NRG1: variants seen among roughly 807,000 people sequenced by gnomAD.
NRG1 encodes pro-neuregulin-1, membrane-bound isoform.
In NRG1, 18 loss-of-function variants were observed where a neutral mutation model predicts 63.8. The ratio of observed to expected loss-of-function variants is 0.28; its 90% CI spans 0.19 to 0.42. The LOEUF is 0.42. NRG1 is among the 10% of genes least tolerant of loss of function. The pLI is 1.00. For synonymous variants in NRG1, 302 were observed against 301.3 expected (o/e 1.00, Z -0.02); for missense variants, 762 against 814.7 (o/e 0.94, Z 0.79).
intron 1 of NRG1, among the ~76,000 whole-genome samples, chr8:31,643,745 C>G (rs548085786): frequency 1.3e-5 from 2 of 152,084 alleles, no homozygotes; most frequent in African/African-American, 4.8e-5. Context: ...ATTTGCTGTC[C>G]GATTAAATCT....
intron 1 of NRG1, among the ~76,000 whole-genome samples, chr8:32,076,318 T>C (rs1280455190): frequency 6.6e-6 from 1 of 152,200 alleles, no homozygotes; most frequent in Non-Finnish European, 1.5e-5. Flanking sequence ...TTGGCTCTTA[T>C]CTCTGTGACT....
At chr8:32,628,764 G>C (rs560182321) in intron 5 of NRG1, among the ~76,000 whole-genome samples, 3 of 139,958 alleles carry the variant, frequency 2.1e-5, no homozygotes, top group Non-Finnish European at 3.0e-5. Context: ...ATGAAGTCTC[G>C]CTCTGTCACC....
intron 1 of NRG1, among the ~76,000 whole-genome samples, chr8:32,193,829 A>G (rs1842724135): frequency 1.3e-5 from 2 of 152,212 alleles, no homozygotes; most frequent in South Asian, 4.1e-4. Context: ...TGAGACAGAG[A>G]CATGCATACA....
chr8:32,403,834 T>A (rs952639428), intron 1 of NRG1, among the ~76,000 whole-genome samples: 2 of 152,180 alleles, frequency 1.3e-5, no homozygotes, highest in Non-Finnish European at 1.5e-5. Flanking sequence ...TGTCTTCCCA[T>A]GGTACAAAGT....
chr8:32,398,538 G>A lies in NRG1; in HGVS notation c.38-197290G>A, dbSNP rs1812743383. On this transcript the variant is annotated intron_variant, in intron 1 of 10. Transcript: ENST00000519301. Reference sequence around the variant, plus strand: ...CGATTTTCCTGCCTCAGCCTCCCGAGTAGCTGGGATTACAAGTGCCCGCCA... The same window carrying A: ...CGATTTTCCTGCCTCAGCCTCCCGAATAGCTGGGATTACAAGTGCCCGCCA... Among the ~76,000 whole-genome samples the A allele has an allele frequency of 2.0e-5, 3 of 151,930 alleles. No individual in the cohort carries two copies. In the South Asian group the frequency reaches 6.2e-4, roughly 32 times the overall value.
intron 1 of NRG1, among the ~76,000 whole-genome samples, chr8:32,074,704 C>A (rs906683963): frequency 1.3e-5 from 2 of 152,054 alleles, no homozygotes; most frequent in East Asian, 3.9e-4. Flanking sequence ...CATTTTCAGT[C>A]AGTGTCTGTT....
At chr8:32,426,021 A>C (rs773396704) in intron 1 of NRG1, among the ~76,000 whole-genome samples, 50 of 152,332 alleles carry the variant, frequency 3.3e-4, no homozygotes, top group Non-Finnish European at 7.3e-4. Flanking sequence ...ATGGCTATAA[A>C]GAAACATAAA....
chr8:32,275,568 C>A (rs757830950), intron 1 of NRG1, among the ~76,000 whole-genome samples: 3 of 152,080 alleles, frequency 2.0e-5, no homozygotes, highest in Non-Finnish European at 2.9e-5. Flanking sequence ...ATCCCTGGAA[C>A]TGGGACATGC....
intron 1 of NRG1, among the ~76,000 whole-genome samples, chr8:31,719,756 G>A (rs1286149798): frequency 2.6e-5 from 4 of 152,146 alleles, no homozygotes; most frequent in Admixed American, 1.3e-4. Context: ...AGTCATGCAT[G>A]ACATGTGTCA....
intron 5 of NRG1, among the ~76,000 whole-genome samples, chr8:32,667,010 G>T (rs186698141): frequency 1.9e-4 from 29 of 152,244 alleles, no homozygotes; most frequent in African/African-American, 6.5e-4. Context: ...TAATGACAAG[G>T]ATATGTTCTA....
chr8:31,916,419 T>G lies in NRG1; in HGVS notation c.37+276988T>G, dbSNP rs113514901. On this transcript the variant is annotated intron_variant, in intron 1 of 10. Transcript: ENST00000519301. ...CCTTCCTGTGTCCCTGTGTTCTCATTGTTCAATTCCCACCTATGAGTGAGA... is the reference window on the plus strand; with the variant it reads ...CCTTCCTGTGTCCCTGTGTTCTCATGGTTCAATTCCCACCTATGAGTGAGA... 3.9e-5 allele frequency among the ~76,000 whole-genome samples: 6 copies of G among 152,270 alleles called. 1 individual carries two copies. The highest frequency in any genetic ancestry group is 1.4e-4 in the African/African-American group (6 of 41,564).
intron 1 of NRG1, among the ~76,000 whole-genome samples, chr8:32,590,836 A>C (rs1393962816): frequency 3.3e-5 from 5 of 152,206 alleles, no homozygotes; most frequent in Non-Finnish European, 7.3e-5. Flanking sequence ...CATACAAACC[A>C]CATGGGCTCA....
At chr8:32,508,769 T>G (rs2129499503) in intron 1 of NRG1, among the ~76,000 whole-genome samples, 1 of 151,948 alleles carries the variant, frequency 6.6e-6, no homozygotes, top group East Asian at 2.0e-4. Flanking sequence ...AGAGTCTCAC[T>G]CCGTCACTCA....
intron 1 of NRG1, among the ~76,000 whole-genome samples, chr8:32,239,165 A>T (rs548674787): frequency 4.6e-5 from 7 of 152,124 alleles, no homozygotes; most frequent in Admixed American, 1.3e-4. Flanking sequence ...ATTTTTTTTT[A>T]AAAAGCTCAA....
At chr8:32,365,726 G>C (rs1047191879) in intron 1 of NRG1, among the ~76,000 whole-genome samples, 5 of 152,152 alleles carry the variant, frequency 3.3e-5, no homozygotes, top group Admixed American at 6.5e-5. Context: ...AAACCAATGG[G>C]CATAACTGTG....
At chr8:32,348,926 C>T (rs1004891751) in intron 1 of NRG1, among the ~76,000 whole-genome samples, 2 of 152,184 alleles carry the variant, frequency 1.3e-5, no homozygotes, top group Admixed American at 6.5e-5. Context: ...ACTTTGAGGA[C>T]AAGATCCAAA....
chr8:31,793,913 C>T (rs141704127), intron 1 of NRG1, among the ~76,000 whole-genome samples: 45 of 152,158 alleles, frequency 3.0e-4, no homozygotes, highest in African/African-American at 1.0e-3. Context: ...ATTCTTTCTT[C>T]CCTCCTCTTT....
chr8:32,600,886 A>G (rs1056655443), intron 2 of NRG1, among the ~76,000 whole-genome samples: 8 of 152,136 alleles, frequency 5.3e-5, no homozygotes, highest in African/African-American at 1.9e-4. Context: ...AAAAAGTTAA[A>G]TTTATGACTA....
chr8:32,398,611 A>T (rs1419008824), intron 1 of NRG1, among the ~76,000 whole-genome samples: 1 of 151,974 alleles, frequency 6.6e-6, no homozygotes, highest in Non-Finnish European at 1.5e-5. Context: ...GGGTTTTGCC[A>T]TGTTGGTCAG....
Sources: gnomAD v4.1 joint callset for allele counts (sites outside exome capture counted in the v4.1 genomes callset) on GRCh38, gnomAD v4.1.1 for gene constraint, MANE v1.5 for transcripts, NCBI Gene and HGNC (gene_info 2026-07-23, HGNC 2026-07-21) for gene names.